DMPK: variants seen among roughly 807,000 people sequenced by gnomAD.
DMPK encodes the protein myotonin-protein kinase.
A neutral mutation model predicts 70.3 loss-of-function variants in DMPK; 32 were observed. The observed-to-expected ratio is 0.46, with a 90% CI of 0.34 to 0.61. The LOEUF is 0.61. Ranked by LOEUF, DMPK falls within the 20% of genes least tolerant of loss-of-function variation. The pLI is 0.01. For synonymous variants in DMPK, 469 were observed against 390.9 expected, an observed-to-expected ratio of 1.20 and a Z score of -2.36; for missense variants, 899 against 886.0, an observed-to-expected ratio of 1.01 and a Z score of -0.19.
In DMPK at chr19:45,779,332, C is replaced by A. The variant is rs751115299; in HGVS notation, c.364G>T (p.Val122Leu). Reference protein sequence around the residue: ...EVSCFREERDVLVNGDRRWIT... With the variant: ...EVSCFREERDLLVNGDRRWIT... ...CACCGCCGGTCCCCATTCACCAACACGTCCCTCTCCTCACGGAAGCACGAC... is the reference window on the plus strand; with the variant it reads ...CACCGCCGGTCCCCATTCACCAACAAGTCCCTCTCCTCACGGAAGCACGAC... Residue 122 changes from valine (V) to leucine (L), a missense_variant, in exon 4 of 15, where the codon GTG becomes TTG. Transcript: ENST00000291270. 1 of 1,614,130 alleles carries A rather than the reference C, an allele frequency of 6.2e-7. No individual in the cohort carries two copies. Among genetic ancestry groups the A allele is most frequent in the Non-Finnish European group, 8.5e-7 (1 of 1,180,034 alleles).
In DMPK at chr19:45,779,425, G is replaced by C. The variant is rs145200358; in HGVS notation, c.336+14C>G. 6.4e-5 allele frequency: 104 copies of C among 1,613,744 alleles called. No individual in the cohort carries two copies. The highest frequency in any genetic ancestry group is 8.2e-5 in the Non-Finnish European group (97 of 1,179,970). ...CGGATCCTCAAAGCCCCCCACGTCC[G>C]CCCAGCCCCTCACCTCGCCCCTCTT... On this transcript the variant is annotated intron_variant, in intron 3 of 14. Coordinates refer to ENST00000291270, the MANE Select transcript of DMPK (RefSeq NM_004409.5).
intron 10 of DMPK, chr19:45,772,404 A>G (rs1019978642): frequency 2.4e-6 from 1 of 419,376 alleles, no homozygotes; most frequent in Non-Finnish European, 4.2e-6. Flanking sequence ...CTCCTTCACC[A>G]GCGCTCAGCT....
Position 45,779,245 on chromosome 19 carries a change from A to C in DMPK, c.432+19T>G, listed in dbSNP as rs572634. On this transcript the variant is annotated intron_variant, in intron 4 of 14. Transcript: ENST00000291270. ...CGGGCTCTTGTCCCTCTTCCTAGTCACCCCGGCCCGGAGCTCACCAGGTAG... is the reference window on the plus strand; with the variant it reads ...CGGGCTCTTGTCCCTCTTCCTAGTCCCCCCGGCCCGGAGCTCACCAGGTAG... The C allele has an allele frequency of 0.13, 205,317 of 1,611,496 alleles. 14,376 individuals are homozygous for C. Among genetic ancestry groups the C allele is most frequent in the South Asian group, 0.23 (20,953 of 90,968 alleles).
In DMPK at chr19:45,775,402, CAA is replaced by C. The variant is rs146936052; in HGVS notation, c.1147-370_1147-369del. 5.3e-3 allele frequency: 752 copies of C among 142,676 alleles called. 14 individuals carry two copies. Among genetic ancestry groups the C allele is most frequent in the South Asian group, 0.022 (163 of 7,330 alleles). The allele number at this position is 142,676 out of a possible 1,614,324, so 8.8% of individuals were successfully genotyped here. A position where few individuals can be genotyped will look rare whatever the true frequency, so the allele number is the denominator to read the frequency against. On this transcript the variant is annotated intron_variant, in intron 8 of 14. Coordinates refer to ENST00000291270, the MANE Select transcript of DMPK (RefSeq NM_004409.5). ...CAGGCTGGTCTCCATCTTCTGACCT[CAA>C]GTGATCCGCCTACCTCAGCTGTTGT...
intron 9 of DMPK, 86 bp downstream of exon 9, chr19:45,774,863 T>G: frequency 1.9e-6 from 2 of 1,072,278 alleles, no homozygotes; most frequent in Non-Finnish European, 1.4e-6. Context: ...AGACTGATCC[T>G]GCAACTCCAT....
At position 45,771,872 on chromosome 19, in the gene DMPK, C is replaced by CGTCA; in HGVS notation, c.1397_1400dup (p.Leu468AspfsTer116). On this transcript the variant is annotated frameshift_variant, in exon 11 of 15. Coordinates refer to ENST00000291270, the MANE Select transcript of DMPK (RefSeq NM_004409.5). LOFTEE classifies it high-confidence loss of function. ...CCAGGGCTTCCTGGAGCTCCCGCAG[C>CGTCA]GTCACCTCGGCCTCAGCCTCTGCCG... is the stretch of plus-strand genomic sequence containing the variant. 6.3e-7 allele frequency: 1 copy of CGTCA among 1,588,778 alleles called. No individual in the cohort carries two copies. The highest frequency in any genetic ancestry group is 1.1e-5 in the South Asian group (1 of 87,498).
chr19:45,777,922 ACCAGCTCTGGGCCCT>A lies in DMPK; in HGVS notation c.676-64_676-50del, dbSNP rs1568582354. ...GGCTTGGGCCCACCCCTCTGGGCCC[ACCAGCTCTGGGCCCT>A]CCTTCCAACCACTCCCCAAATGCTT... On this transcript the variant is annotated intron_variant, in intron 6 of 14. Transcript: ENST00000291270. This position sits in a 1 kb window ranked among gnomAD's most constrained non-coding sequence, Gnocchi z 6.7. 6.5e-7 allele frequency: 1 copy of A among 1,542,092 alleles called. No individual in the cohort carries two copies. Among genetic ancestry groups the A allele is most frequent in the Admixed American group, 1.8e-5 (1 of 56,534 alleles).
chr19:45,770,501 G>C lies in DMPK; in HGVS notation c.1877C>G (p.Ala626Gly). The change falls in exon 15 of 15, where the codon GCC becomes GGC. Residue 626 changes from alanine to glycine, a missense_variant. By Grantham distance (60) the Ala-to-Gly change is moderately conservative. Around this residue, in one of 3 missense-constraint regions of DMPK, gnomAD observed 555 missense variants for 483.8 expected, o/e 1.15. Coordinates refer to ENST00000291270, the MANE Select transcript of DMPK (RefSeq NM_004409.5). ...LTAVWRRPGA[A>G]RAP ...CAGTTCTAGGGTTCAGGGAGCGCGG[G>C]CGGCTCCTGGGCGGCGCCAGACTGC... The C allele has an allele frequency of 6.4e-7, 1 of 1,550,434 alleles. No homozygotes were observed.
chr19:45,780,228 C>T, intron 1 of DMPK: 2 of 1,485,040 alleles, frequency 1.3e-6, no homozygotes, highest in Non-Finnish European at 1.8e-6. Flanking sequence ...CACCCTGACT[C>T]CAGGTGACAG....
In DMPK at chr19:45,770,201, C is replaced by T. The variant is rs1289595543; in HGVS notation, c.*287G>A. ...CGAAAGAAAGAAATGGTCTGTGATC[C>T]CCCCAGCAGCAGCAGCAGCAGCAGC... On this transcript the variant is annotated 3_prime_UTR_variant, in exon 15 of 15. Transcript: ENST00000291270. The T allele has an allele frequency of 1.1e-5, 8 of 709,906 alleles. No individual in the cohort carries two copies. The highest frequency in any genetic ancestry group is 1.7e-5 in the Non-Finnish European group (7 of 423,324). 44.0% of individuals were successfully genotyped at this position (709,906 alleles called of 1,614,324 possible). A position where few individuals can be genotyped will look rare whatever the true frequency, so the allele number is the denominator to read the frequency against.
At chr19:45,775,925 A>G (rs548754043) in intron 8 of DMPK, among the ~76,000 whole-genome samples, 1 of 99,266 alleles carries the variant, frequency 1.0e-5, no homozygotes, top group African/African-American at 3.5e-5. Context: ...GGTTCAAGCA[A>G]TTCTCCTGCC....
chr19:45,781,235 G>A (rs991015124), intron 1 of DMPK, among the ~76,000 whole-genome samples: 19 of 152,284 alleles, frequency 1.2e-4, no homozygotes, highest in Non-Finnish European at 2.4e-4. Flanking sequence ...ACCAGTCACT[G>A]AGGGCCAGAC....
At position 45,782,244 on chromosome 19, in the gene DMPK, C is replaced by T; in HGVS notation, c.109G>A (p.Gly37Ser). 1 of 1,610,364 alleles carries T rather than the reference C, an allele frequency of 6.2e-7. No homozygotes were observed. Among genetic ancestry groups the T allele is most frequent in the Non-Finnish European group, 8.5e-7 (1 of 1,178,846 alleles). Residue 37 changes from glycine (G) to serine (S), a missense_variant, in exon 1 of 15, where the codon GGC becomes AGC. Around this residue, in one of 3 missense-constraint regions of DMPK, gnomAD observed 149 missense variants for 142.5 expected, o/e 1.05. Transcript: ENST00000291270. ...DLLLGVHQEL[G>S]ASELAQDKYV... is the part of the protein sequence containing the mutation. ...TTGTCCTGGGCCAGTTCGGAGGCGC[C>T]CAGCTCCTGGTGGACGCCCAGGAGA...
rs1276932887 is a variant in DMPK at position 45,777,026 on chromosome 19, T to G, written c.1146+301A>C. ...CCCTCCAAGTCTCAGCTCAGATAGC[T>G]CCCCACTCCAGAAAGCCCTCCAGGA... On this transcript the variant is annotated intron_variant, in intron 8 of 14. Transcript: ENST00000291270. The surrounding 1 kb of genome is among the most constrained non-coding windows in gnomAD (Gnocchi z 6.7). 1 of 351,638 alleles carries G rather than the reference T, an allele frequency of 2.8e-6. No homozygotes were observed. The highest frequency in any genetic ancestry group is 5.2e-6 in the Non-Finnish European group (1 of 194,096). The allele number at this position is 351,638 out of a possible 1,614,324, so 21.8% of individuals were successfully genotyped here.
At chr19:45,778,681 A>G (rs2146253515) in intron 4 of DMPK, 40 bp from the exon 5 acceptor site, 3 of 1,601,878 alleles carry the variant, frequency 1.9e-6, no homozygotes, top group Non-Finnish European at 2.6e-6. Flanking sequence ...TAGTCCCCTG[A>G]GGCCCTGATC....
chr19:45,778,435 C>A (rs1040450372), intron 5 of DMPK, 58 bp downstream of exon 5: 2 of 1,591,242 alleles, frequency 1.3e-6, no homozygotes, highest in Non-Finnish European at 1.7e-6. Flanking sequence ...GGGCTCTGAC[C>A]TTCCAAGAAC....
At chr19:45,778,331 C>T in intron 5 of DMPK, 111 bp from the exon 6 acceptor site, 1 of 1,367,486 alleles carries the variant, frequency 7.3e-7, no homozygotes. Context: ...TCGGGTTCCG[C>T]CCCTGTAGGG....
intron 13 of DMPK, 127 bp from the exon 14 acceptor site, chr19:45,771,187 G>T: frequency 5.1e-6 from 6 of 1,181,018 alleles, no homozygotes; most frequent in Non-Finnish European, 7.1e-6. Context: ...AATCTGGTGA[G>T]GCCTGAACGG....
intron 9 of DMPK, among the ~76,000 whole-genome samples, chr19:45,773,469 A>G (rs1969595324): frequency 6.6e-6 from 1 of 152,226 alleles, no homozygotes; most frequent in Non-Finnish European, 1.5e-5. Flanking sequence ...TCTCTTAGAC[A>G]AAGTAGCATG....
Sources: gnomAD v4.1 joint callset for allele counts (sites outside exome capture counted in the v4.1 genomes callset) on GRCh38, gnomAD v4.1.1 for gene constraint, gnomAD v4.1.1 regional missense constraint, Gnocchi (gnomAD v3.1) non-coding constraint, MANE v1.5 for transcripts, NCBI Gene and HGNC (gene_info 2026-07-23, HGNC 2026-07-21) for gene names.